The following MORF4L2 variants were observed in gnomAD, a reference collection of about 807,000 sequenced individuals.
The protein encoded by MORF4L2 is mortality factor 4-like protein 2.
MORF4L2 carries 1 observed loss-of-function variant against 12.0 expected under a neutral mutation model. The observed-to-expected ratio is 0.08, with a 90% CI of 0.03 to 0.40. The LOEUF is 0.40. Ranked by LOEUF, MORF4L2 falls within the 10% of genes least tolerant of loss-of-function variation. The pLI is 0.98. For missense variants in MORF4L2, 123 were observed against 214.0 expected, an observed-to-expected ratio of 0.57 and a Z score of 2.65; for synonymous variants, 69 against 81.6, an observed-to-expected ratio of 0.85 and a Z score of 0.83.
Position 103,676,862 on chromosome X carries a change from G to A in MORF4L2, c.166C>T (p.Pro56Ser), listed in dbSNP as rs1354626264. The change falls in exon 4 of 4, where the codon CCA becomes TCA. Residue 56 changes from proline to serine, a missense_variant. Pro to Ser is a moderately conservative substitution (Grantham distance 74, BLOSUM62 -1). Coordinates refer to ENST00000441076, the MANE Select transcript of MORF4L2 (RefSeq NM_012286.3). ...GCAGAGCGACCACCCCATCTTCCTG[G>A]GAGAGCTGGTTCAAGATTTTTCTGC... ...PQQKNLEPALPGRWGGRSAEN... is the reference protein window; with the variant it reads ...PQQKNLEPALSGRWGGRSAEN... 8.3e-7 allele frequency: 1 copy of A among 1,203,207 alleles called. No homozygotes were observed. The highest frequency in any genetic ancestry group is 1.8e-5 in the African/African-American group (1 of 55,078).
chrX:103,683,992 AACCT>A (rs1363949534), intron 2 of MORF4L2, among the ~76,000 whole-genome samples: 1 of 111,546 alleles, frequency 9.0e-6, no homozygotes, highest in Non-Finnish European at 1.9e-5. Flanking sequence ...CCTCCTCCGA[AACCT>A]ACTTTTCAGA....
chrX:103,683,978 G>A (rs1021989292), intron 2 of MORF4L2, among the ~76,000 whole-genome samples: 1 of 111,541 alleles, frequency 9.0e-6, no homozygotes, highest in Non-Finnish European at 1.9e-5. Context: ...CAGGAGGGCA[G>A]TGCCCTCCTC....
At chrX:103,683,667 G>A (rs1359521058) in intron 2 of MORF4L2, among the ~76,000 whole-genome samples, 3 of 111,686 alleles carry the variant, frequency 2.7e-5, no homozygotes, top group East Asian at 5.6e-4. Flanking sequence ...TTTATTCATG[G>A]ATCTCACAAA....
chrX:103,679,321 T>C, intron 2 of MORF4L2, among the ~76,000 whole-genome samples: 1 of 89,820 alleles, frequency 1.1e-5, no homozygotes, highest in East Asian at 3.4e-4. Flanking sequence ...CTGGCCAACG[T>C]AGTGAAACCC....
At chrX:103,684,725 C>T (rs1354813525) in intron 2 of MORF4L2, 3 of 112,311 alleles carry the variant, frequency 2.7e-5, no homozygotes, top group African/African-American at 9.7e-5. Context: ...ATCCTCTCAA[C>T]AATCCTATGA....
chrX:103,686,162 G>A (rs758441300), intron 1 of MORF4L2, among the ~76,000 whole-genome samples: 4 of 103,305 alleles, frequency 3.9e-5, no homozygotes, highest in African/African-American at 1.1e-4. Context: ...TTTCAATATA[G>A]GAAAATTACA....
In MORF4L2 at chrX:103,676,868, C is replaced by G. The variant is rs750575903; in HGVS notation, c.160G>C (p.Ala54Pro). ...CGACCACCCCATCTTCCTGGGAGAG[C>G]TGGTTCAAGATTTTTCTGCTGTGGA... ...AGPQQKNLEP[A>P]LPGRWGGRSA... is the part of the protein sequence containing the mutation. The change falls in exon 4 of 4, where the codon GCT becomes CCT. Residue 54 changes from alanine to proline, a missense_variant. Ala to Pro is a conservative substitution (Grantham distance 27). Coordinates refer to ENST00000441076, the MANE Select transcript of MORF4L2 (RefSeq NM_012286.3). 1.7e-6 allele frequency: 2 copies of G among 1,208,490 alleles called. No individual in the cohort carries two copies. The highest frequency in any genetic ancestry group is 3.0e-5 in the East Asian group (1 of 33,690).
At chrX:103,682,923 T>C (rs2074018419) in intron 2 of MORF4L2, among the ~76,000 whole-genome samples, 2 of 112,167 alleles carry the variant, frequency 1.8e-5, no homozygotes, top group South Asian at 7.2e-4. Context: ...TTTATAGTTT[T>C]CCTCAAATGT....
intron 2 of MORF4L2, among the ~76,000 whole-genome samples, chrX:103,683,462 G>T (rs113501593): frequency 0.018 from 2,055 of 112,330 alleles, 46 homozygotes; most frequent in African/African-American, 0.062. Context: ...CAGTTTAAAG[G>T]CATAAATTTT....
intron 1 of MORF4L2, 44 bp downstream of exon 1, chrX:103,686,587 A>G (rs1183030478): frequency 9.0e-6 from 1 of 111,012 alleles, no homozygotes; most frequent in Non-Finnish European, 1.9e-5. Flanking sequence ...ACCCGACGAA[A>G]AAAGGAAATC....
At chrX:103,684,056 G>A (rs901895731) in intron 2 of MORF4L2, among the ~76,000 whole-genome samples, 1 of 112,210 alleles carries the variant, frequency 8.9e-6, no homozygotes. Context: ...GCTGTCAAAA[G>A]GCTGAAAAAC....
At chrX:103,686,124 T>TCCCC (rs5903221) in intron 1 of MORF4L2, among the ~76,000 whole-genome samples, 4 of 76,847 alleles carry the variant, frequency 5.2e-5, no homozygotes, top group Admixed American at 1.6e-4. Flanking sequence ...TTTCTTGCAC[T>TCCCC]CCCCCCCCCC....
chrX:103,681,993 G>C lies in MORF4L2; in HGVS notation c.-178+3178C>G, dbSNP rs141871429. ...CCCACCCCAATCCTAGGAGTATCCT[G>C]AGTGAGCATGTATGCCTTCAAATCT... On this transcript the variant is annotated intron_variant, in intron 2 of 3. Coordinates refer to ENST00000441076, the MANE Select transcript of MORF4L2 (RefSeq NM_012286.3). Among the ~76,000 whole-genome samples, 736 of 111,026 alleles carry C rather than the reference G, an allele frequency of 6.6e-3. 7 individuals are homozygous for C. The highest frequency in any genetic ancestry group is 0.023 in the African/African-American group (700 of 30,535).
intron 3 of MORF4L2, among the ~76,000 whole-genome samples, chrX:103,678,142 A>T (rs113501612): frequency 6.3e-5 from 7 of 110,738 alleles, no homozygotes; most frequent in African/African-American, 2.3e-4. Context: ...GTGAGAAGTA[A>T]AAGCCAGAAA....
intron 2 of MORF4L2, among the ~76,000 whole-genome samples, chrX:103,679,227 C>T (rs762532418): frequency 9.2e-6 from 1 of 108,817 alleles, no homozygotes; most frequent in Admixed American, 9.9e-5. Context: ...CAGATAAGGC[C>T]GGGCGCAGTG....
Position 103,676,825 on chromosome X carries a change from G to A in MORF4L2, c.203C>T (p.Pro68Leu). The A allele has an allele frequency of 8.3e-7, 1 of 1,207,425 alleles. No individual in the cohort carries two copies. The highest frequency in any genetic ancestry group is 1.1e-6 in the Non-Finnish European group (1 of 894,481). Residue 68 changes from proline to leucine, a missense_variant, in exon 4 of 4, where the codon CCT becomes CTT. Transcript: ENST00000441076. ...TCTGGTCTTCCTCACGGATCCTGAA[G>A]GGGGGTTCTCTGCAGAGCGACCACC... ...RWGGRSAENP[P>L]SGSVRKTRKN...
chrX:103,687,152 C>A (rs2074132310), upstream of MORF4L2: 1 of 97,502 alleles, frequency 1.0e-5, no homozygotes, highest in African/African-American at 3.9e-5. Context: ...TGGTTTTTTT[C>A]CCCCCCCACT....
intron 3 of MORF4L2, 66 bp from the exon 4 acceptor site, chrX:103,677,117 G>A: frequency 1.2e-6 from 1 of 847,539 alleles, no homozygotes; most frequent in South Asian, 3.3e-5. Context: ...TTTCATAAAG[G>A]CCCATCAGAG....
chrX:103,676,151 C>CTG lies in MORF4L2; in HGVS notation c.*8_*9dup. ...ATACAGGACAAAAATGGTGAGCTGT[C>CTG]TGTAGACGCTCACAGGGCTTTGCGG... On this transcript the variant is annotated 3_prime_UTR_variant, in exon 4 of 4. Coordinates refer to ENST00000441076, the MANE Select transcript of MORF4L2 (RefSeq NM_012286.3). 3 of 1,179,847 alleles carry CTG rather than the reference C, an allele frequency of 2.5e-6. No homozygotes were observed. The highest frequency in any genetic ancestry group is 3.4e-6 in the Non-Finnish European group (3 of 880,842).
Sources: gnomAD v4.1 joint callset for allele counts (sites outside exome capture counted in the v4.1 genomes callset) on GRCh38, gnomAD v4.1.1 for gene constraint, MANE v1.5 for transcripts, NCBI Gene and HGNC (gene_info 2026-07-23, HGNC 2026-07-21) for gene names.